Variants in COL28A1 observed in about 807,000 individuals in gnomAD.
The protein encoded by COL28A1 is collagen type XXVIII alpha 1 chain.
A neutral mutation model predicts 150.2 loss-of-function variants in COL28A1; 161 were observed. The observed-to-expected ratio is 1.07, with a 90% CI of 0.94 to 1.22. COL28A1 has a LOEUF of 1.22. Ranked by LOEUF, COL28A1 falls within the 50% of genes most tolerant of loss-of-function variation. The pLI is 0.00. For missense variants in COL28A1, 1,617 were observed against 1,388.3 expected, an observed-to-expected ratio of 1.16 and a Z score of -2.62; for synonymous variants, 552 against 469.7, an observed-to-expected ratio of 1.18 and a Z score of -2.26.
At chr7:7,350,660 T>A in the COL28A1 span, among the ~76,000 whole-genome samples, 1 of 85,430 alleles carries the variant, frequency 1.2e-5, no homozygotes, top group African/African-American at 3.3e-5. Flanking sequence ...CTTTCCTTTT[T>A]TTTTTTTTTT....
chr7:7,440,900 T>C (rs1785725010), intron 20 of COL28A1, 39 bp from the exon 21 acceptor site: 2 of 996,162 alleles, frequency 2.0e-6, no homozygotes, highest in East Asian at 2.4e-5. Context: ...TTTCGTATGG[T>C]ATTAGCAACC....
intron 11 of COL28A1, among the ~76,000 whole-genome samples, chr7:7,502,109 G>A (rs1248476209): frequency 6.6e-6 from 1 of 152,112 alleles, no homozygotes; most frequent in East Asian, 1.9e-4. Flanking sequence ...TGGCCAGGCT[G>A]GTCTTGAGTC....
intron 27 of COL28A1, among the ~76,000 whole-genome samples, chr7:7,390,848 C>G (rs756685547): frequency 6.6e-6 from 1 of 152,254 alleles, no homozygotes; most frequent in South Asian, 2.1e-4. Flanking sequence ...TCCCCTTTAT[C>G]ATTTTTTATT....
At chr7:7,534,867 G>A (rs545409136) in intron 1 of COL28A1, among the ~76,000 whole-genome samples, 1 of 152,116 alleles carries the variant, frequency 6.6e-6, no homozygotes, top group African/African-American at 2.4e-5. Context: ...CCAAACCAAA[G>A]TCTTGTTATT....
intron 15 of COL28A1, among the ~76,000 whole-genome samples, chr7:7,462,833 C>T (rs1486226760): frequency 1.3e-5 from 2 of 150,296 alleles, no homozygotes; most frequent in South Asian, 4.2e-4. Flanking sequence ...TGCACTCCAG[C>T]CTGGGCAACA....
chr7:7,386,761 T>C (rs1415051280), intron 27 of COL28A1, among the ~76,000 whole-genome samples: 2 of 152,162 alleles, frequency 1.3e-5, no homozygotes, highest in Non-Finnish European at 2.9e-5. Context: ...GCTTCCCTTG[T>C]GGTGCTAGCC....
intron 27 of COL28A1, among the ~76,000 whole-genome samples, chr7:7,417,311 C>A (rs1784136031): frequency 6.6e-6 from 1 of 151,542 alleles, no homozygotes; most frequent in African/African-American, 2.4e-5. Flanking sequence ...CTTGGCTGCT[C>A]AGGAGAATCC....
At chr7:7,387,944 G>A (rs534399879) in intron 27 of COL28A1, among the ~76,000 whole-genome samples, 1 of 152,144 alleles carries the variant, frequency 6.6e-6, no homozygotes, top group East Asian at 1.9e-4. Flanking sequence ...AGCTTCTGCT[G>A]TTTGAATTCA....
chr7:7,451,262 C>T (rs936712490), intron 18 of COL28A1, among the ~76,000 whole-genome samples: 12 of 151,054 alleles, frequency 7.9e-5, no homozygotes, highest in African/African-American at 4.9e-5. Context: ...AGTCTCACTT[C>T]GTCGCCAGGC....
chr7:7,506,001 AG>A lies in COL28A1; in HGVS notation c.1026+12del. 8.2e-7 allele frequency: 1 copy of A among 1,212,884 alleles called. No individual in the cohort carries two copies. Among genetic ancestry groups the A allele is most frequent in the Non-Finnish European group, 1.2e-6 (1 of 813,430 alleles). The allele number at this position is 1,212,884 out of a possible 1,614,324, so 75.1% of individuals were successfully genotyped here. ...AGGCACTCTGCCTGTCTTTAATCAA[AG>A]GGTAAGATTACCTTATTGCCTTGAA... On this transcript the variant is annotated intron_variant, in intron 11 of 34. Transcript: ENST00000399429.
chr7:7,391,971 T>A (rs1448241235), intron 27 of COL28A1, among the ~76,000 whole-genome samples: 1 of 152,162 alleles, frequency 6.6e-6, no homozygotes, highest in African/African-American at 2.4e-5. Context: ...ATTGGGGCAT[T>A]TAGCCCGTTT....
At chr7:7,383,706 A>ATG (rs1782022178) in intron 27 of COL28A1, among the ~76,000 whole-genome samples, 1 of 146,728 alleles carries the variant, frequency 6.8e-6, no homozygotes, top group Non-Finnish European at 1.5e-5. Flanking sequence ...ATATATATGT[A>ATG]TATGAGATTC....
At position 7,417,785 on chromosome 7, in the gene COL28A1, C is replaced by T. The variant is rs888835509; in HGVS notation, c.2136+74G>A. The T allele has an allele frequency of 4.4e-5, 56 of 1,259,458 alleles. No individual in the cohort carries two copies. The Admixed American group carries it at 8.5e-4, about 19-fold the overall frequency. The allele number at this position is 1,259,458 out of a possible 1,614,324, so 78.0% of individuals were successfully genotyped here. ...ATCTATTTCATAATAGCCATTTTTG[C>T]GTTATCTACAACCTCTTCTCCCAAT... On this transcript the variant is annotated intron_variant, in intron 27 of 34. Transcript: ENST00000399429.
chr7:7,464,879 T>G (rs568647958), intron 15 of COL28A1, among the ~76,000 whole-genome samples: 17 of 152,140 alleles, frequency 1.1e-4, no homozygotes, highest in African/African-American at 3.9e-4. Context: ...AAAGATAAAT[T>G]GATAGACCAT....
chr7:7,419,854 C>T, intron 26 of COL28A1, 31 bp downstream of exon 26: 1 of 1,454,782 alleles, frequency 6.9e-7, no homozygotes, highest in Non-Finnish European at 9.3e-7. Context: ...GATATCTGAC[C>T]CTCACACAAA....
intron 7 of COL28A1, among the ~76,000 whole-genome samples, chr7:7,516,913 A>C (rs1236027339): frequency 1.3e-5 from 2 of 152,146 alleles, no homozygotes; most frequent in Non-Finnish European, 2.9e-5. Flanking sequence ...TTACAAAAGG[A>C]AACTTCATGA....
intron 19 of COL28A1, 45 bp downstream of exon 19, chr7:7,444,373 G>C (rs1786077466): frequency 6.2e-7 from 1 of 1,609,952 alleles, no homozygotes; most frequent in Non-Finnish European, 8.5e-7. Context: ...ATATCAGTTT[G>C]GTTCAACAGT....
At position 7,373,225 on chromosome 7, in the gene COL28A1, C is replaced by A; in HGVS notation, c.2681G>T (p.Gly894Val). 2 of 1,614,162 alleles carry A rather than the reference C, an allele frequency of 1.2e-6. No individual in the cohort carries two copies. The highest frequency in any genetic ancestry group is 1.7e-6 in the Non-Finnish European group (2 of 1,180,028). The change falls in exon 32 of 35, where the codon GGT becomes GTT. Residue 894 changes from glycine to valine, a missense_variant. Transcript: ENST00000399429. The surrounding 1 kb of genome is among the most constrained non-coding windows in gnomAD (Gnocchi z 4.1). ...GATGACCAAGGCCACTTTTTTTACACCTGGCCTTGCATCTTCAAACATGTC... is the reference window on the plus strand; with the variant it reads ...GATGACCAAGGCCACTTTTTTTACAACTGGCCTTGCATCTTCAAACATGTC... Reference protein sequence around the residue: ...ANDMFEDARPGVKKVALVITD... With the variant: ...ANDMFEDARPVVKKVALVITD...
chr7:7,461,757 G>A (rs1461202481), intron 15 of COL28A1, among the ~76,000 whole-genome samples: 1 of 152,088 alleles, frequency 6.6e-6, no homozygotes, highest in Non-Finnish European at 1.5e-5. Flanking sequence ...TAGAGTCTGA[G>A]CTCAGAAACA....
Sources: allele counts gnomAD v4.1 joint callset (sites outside exome capture counted in the v4.1 genomes callset), GRCh38; gene constraint gnomAD v4.1.1; non-coding constraint Gnocchi (gnomAD v3.1); transcripts MANE v1.5; gene names NCBI Gene and HGNC (gene_info 2026-07-23, HGNC 2026-07-21).